The following IMPACT variants were observed in gnomAD, a reference collection of about 807,000 sequenced individuals.
IMPACT encodes the protein protein IMPACT.
A neutral mutation model predicts 47.5 loss-of-function variants in IMPACT; 35 were observed. The ratio of observed to expected loss-of-function variants is 0.74; its 90% CI spans 0.56 to 0.98. The LOEUF (loss-of-function observed/expected upper bound fraction) is 0.98, where lower values mean the gene tolerates loss of function less well. Ranked by LOEUF, IMPACT falls within the 50% of genes least tolerant of loss-of-function variation. The pLI is 0.00. For synonymous variants in IMPACT, 118 were observed against 125.6 expected (o/e 0.94, Z 0.40); for missense variants, 373 against 394.8 (o/e 0.94, Z 0.47).
intron 1 of IMPACT, 146 bp from the exon 2 acceptor site, chr18:24,427,773 C>T: frequency 1.4e-6 from 1 of 690,598 alleles, no homozygotes; most frequent in Non-Finnish European, 2.3e-6. Context: ...GTGACCTGCT[C>T]TTAAGAAACT....
chr18:24,449,728 T>G (rs1909330707), intron 9 of IMPACT, 91 bp from the exon 10 acceptor site: 1 of 1,219,224 alleles, frequency 8.2e-7, no homozygotes, highest in Non-Finnish European at 1.2e-6. Flanking sequence ...TATGTGCAAT[T>G]TTATACATGG....
chr18:24,427,020 G>A (rs1040178595), intron 1 of IMPACT: 8 of 391,942 alleles, frequency 2.0e-5, no homozygotes, highest in African/African-American at 1.4e-4. Flanking sequence ...CTCGGACGGT[G>A]TCCTCGTCAA....
rs747387339 is a variant in IMPACT at position 24,437,086 on chromosome 18, G to A, written c.282-869G>A. On this transcript the variant is annotated intron_variant, in intron 4 of 10. Transcript: ENST00000284202. ...GTTGTTTTCTTCTGTCTCTTGTTTC[G>A]AAAGTTTTGGTGGGTGCTGATGAGT... Among the ~76,000 whole-genome samples, 10 of 152,138 alleles carry A rather than the reference G, an allele frequency of 6.6e-5. No individual in the cohort carries two copies. In the East Asian group the frequency reaches 1.3e-3, roughly 21 times the overall value.
chr18:24,434,203 A>G (rs959132694), intron 4 of IMPACT, among the ~76,000 whole-genome samples: 1 of 152,030 alleles, frequency 6.6e-6, no homozygotes, highest in African/African-American at 2.4e-5. Flanking sequence ...CATAAAAATT[A>G]ACTGGGTGTG....
At chr18:24,445,838 A>G (rs1909236693) in intron 8 of IMPACT, among the ~76,000 whole-genome samples, 1 of 152,140 alleles carries the variant, frequency 6.6e-6, no homozygotes, top group African/African-American at 2.4e-5. Flanking sequence ...ATGCCATACT[A>G]CAATTAACCA....
At chr18:24,426,952 C>T in intron 1 of IMPACT, 160 bp downstream of exon 1, 1 of 497,714 alleles carries the variant, frequency 2.0e-6, no homozygotes, top group Non-Finnish European at 3.1e-6. Flanking sequence ...CCCGGCGCTT[C>T]CCGTCGGCCG....
At position 24,426,850 on chromosome 18, in the gene IMPACT, CCAGTCCTCCT is replaced by C. The variant is rs925865307; in HGVS notation, c.36+62_36+71del. 1,310 of 1,180,498 alleles carry C rather than the reference CCAGTCCTCCT, an allele frequency of 1.1e-3. 1 individual carries two copies. The highest frequency in any genetic ancestry group is 1.3e-3 in the Non-Finnish European group (1,257 of 939,130). 73.1% of individuals were successfully genotyped at this position (1,180,498 alleles called of 1,614,324 possible). Reference sequence around the variant, plus strand: ...CTCGGCTCCGGCTCGCCTCGCCATGCCAGTCCTCCTCAGCCGAGGGGCCCTCCGCCTGGGG... The same window carrying C: ...CTCGGCTCCGGCTCGCCTCGCCATGCCAGCCGAGGGGCCCTCCGCCTGGGG... On this transcript the variant is annotated intron_variant, in intron 1 of 10. Coordinates refer to ENST00000284202, the MANE Select transcript of IMPACT (RefSeq NM_018439.4).
At position 24,440,581 on chromosome 18, in the gene IMPACT, TA is replaced by T; in HGVS notation, c.456del (p.Ala153HisfsTer13). ...TAGCATGTCAGCCGGAAAGTTCGCT[TA>T]AAGCATTGGATTTTGATATCAGTGA... is the stretch of plus-strand genomic sequence containing the variant. ...ILACQPESSL[K>X]ALDFDISETR... On this transcript the variant is annotated frameshift_variant, in exon 6 of 11. Transcript: ENST00000284202. LOFTEE classifies it high-confidence loss of function. 1 of 1,613,316 alleles carries T rather than the reference TA, an allele frequency of 6.2e-7. No individual in the cohort carries two copies. The highest frequency in any genetic ancestry group is 8.5e-7 in the Non-Finnish European group (1 of 1,179,530).
At chr18:24,446,845 G>A (rs1482898607) in intron 8 of IMPACT, among the ~76,000 whole-genome samples, 1 of 152,180 alleles carries the variant, frequency 6.6e-6, no homozygotes, top group East Asian at 1.9e-4. Flanking sequence ...TGTAAAAATT[G>A]TAATGTTCAT....
rs1440676745 is a variant in IMPACT, at chr18:24,427,927, A to T, written c.45A>T (p.Glu15Asp). 3 of 1,594,730 alleles carry T rather than the reference A, an allele frequency of 1.9e-6. No homozygotes were observed. Among genetic ancestry groups the T allele is most frequent in the Non-Finnish European group, 2.6e-6 (3 of 1,174,852 alleles). The change falls in exon 2 of 11, where the codon GAA (glutamate) becomes GAT (aspartate). Residue 15 changes from glutamate to aspartate, a missense_variant. Physicochemically the swap from Glu to Asp is conservative, Grantham distance 45. Coordinates refer to ENST00000284202, the MANE Select transcript of IMPACT (RefSeq NM_018439.4). ...AAATCAATTTCTTTCAGAATGAGGA[A>T]ATTGAAGCAATGGCAGCCATTTATG... Reference protein sequence around the residue: ...DAGSDQRQNEEIEAMAAIYGE... With the variant: ...DAGSDQRQNEDIEAMAAIYGE...
rs772518320 is a variant in IMPACT at position 24,428,052 on chromosome 18, T to A, written c.165+5T>A. The A allele has an allele frequency of 2.6e-6, 4 of 1,561,066 alleles. No individual in the cohort carries two copies. The highest frequency in any genetic ancestry group is 3.4e-6 in the Non-Finnish European group (4 of 1,159,800). Reference sequence around the variant, plus strand: ...AAATGGACACTTTGCTTGCAGGTACTTTTTCCCCCTTCCTTGCAGCCATCT... The same window carrying A: ...AAATGGACACTTTGCTTGCAGGTACATTTTCCCCCTTCCTTGCAGCCATCT... On this transcript the variant is annotated splice_donor_5th_base_variant and intron_variant, in intron 2 of 10. Transcript: ENST00000284202.
At chr18:24,434,687 C>T (rs753153971) in intron 4 of IMPACT, among the ~76,000 whole-genome samples, 60 of 148,230 alleles carry the variant, frequency 4.0e-4, no homozygotes, top group Non-Finnish European at 7.7e-4. Flanking sequence ...CGCCTGAACC[C>T]GGGAGGCAGA....
At chr18:24,442,929 GTTAT>G in intron 6 of IMPACT, 116 bp from the exon 7 acceptor site, 1 of 518,304 alleles carries the variant, frequency 1.9e-6, no homozygotes, top group East Asian at 3.3e-5. Flanking sequence ...GCGATTAATG[GTTAT>G]TTTAGTTGAT....
chr18:24,443,959 A>T (rs1024045831), intron 7 of IMPACT, among the ~76,000 whole-genome samples: 1 of 152,192 alleles, frequency 6.6e-6, no homozygotes, highest in Non-Finnish European at 1.5e-5. Flanking sequence ...GGTTTTAGGC[A>T]TGAGTCTCTT....
intron 8 of IMPACT, 145 bp downstream of exon 8, chr18:24,445,611 TAAAAA>T (rs1479315359): frequency 4.4e-6 from 2 of 454,590 alleles, no homozygotes; most frequent in African/African-American, 4.0e-5. Context: ...GCAGAAAAGA[TAAAAA>T]AGAATTGAAG....
intron 10 of IMPACT, 116 bp downstream of exon 10, chr18:24,450,069 T>C: frequency 8.9e-7 from 1 of 1,120,558 alleles, no homozygotes; most frequent in Non-Finnish European, 1.3e-6. Context: ...GTAAAACCTT[T>C]GGACTCAGAA....
At chr18:24,429,644 T>C (rs1908700748) in intron 3 of IMPACT, 1 of 152,212 alleles carries the variant, frequency 6.6e-6, no homozygotes, top group African/African-American at 2.4e-5. Flanking sequence ...AATTTGTACC[T>C]ATTAGTTTTT....
At chr18:24,448,375 ATAAT>A (rs978270256) in intron 9 of IMPACT, among the ~76,000 whole-genome samples, 192 bp downstream of exon 9, 128 of 152,350 alleles carry the variant, frequency 8.4e-4, no homozygotes, top group African/African-American at 2.8e-3. Context: ...CAGAAAGCAA[ATAAT>A]TAATAAGAAG....
rs1428764817 is a variant in IMPACT at position 24,434,100 on chromosome 18, G to A, written c.281+3716G>A. On this transcript the variant is annotated intron_variant, in intron 4 of 10. Transcript: ENST00000284202. ...TTTGTCTGTAATCCCAGCATTTTGG[G>A]AAGCCTATGTGGGAGGATTGCTTGA... is the stretch of plus-strand genomic sequence containing the variant. Among the ~76,000 whole-genome samples the A allele has an allele frequency of 5.9e-5, 9 of 152,240 alleles. No individual in the cohort carries two copies. In the South Asian group the frequency reaches 1.9e-3, roughly 32 times the overall value.
Sources: gnomAD v4.1 joint callset for allele counts (sites outside exome capture counted in the v4.1 genomes callset) on GRCh38, gnomAD v4.1.1 for gene constraint, MANE v1.5 for transcripts, NCBI Gene and HGNC (gene_info 2026-07-23, HGNC 2026-07-21) for gene names.